ASMT: variants seen among roughly 807,000 people sequenced by gnomAD.
ASMT encodes the protein acetylserotonin O-methyltransferase, also known as acetylserotonin N-methyltransferase.
A neutral mutation model predicts 41.3 loss-of-function variants in ASMT; 53 were observed. The observed-to-expected ratio is 1.28, with a 90% confidence interval of 1.03 to 1.61. ASMT has a LOEUF of 1.61. Ranked by LOEUF, ASMT falls within the 40% of genes most tolerant of loss-of-function variation. The pLI is 0.00. For missense variants in ASMT, 531 were observed against 441.3 expected (o/e 1.20, Z -1.82); for synonymous variants, 231 against 184.8 (o/e 1.25, Z -2.03).
At chrX:1,628,917 C>CT (rs1249306407) in intron 4 of ASMT, among the ~76,000 whole-genome samples, 2 of 133,660 alleles carry the variant, frequency 1.5e-5, no homozygotes, top group Non-Finnish European at 3.2e-5. Context: ...TCCTTTCCCC[C>CT]GTTTCTCTCT....
chrX:1,636,951 GGTCC>G (rs1569384263), intron 8 of ASMT, among the ~76,000 whole-genome samples: 11 of 95,150 alleles, frequency 1.2e-4, no homozygotes, highest in Non-Finnish European at 2.0e-4. Context: ...TCTCCTGTGA[GGTCC>G]ATCCATCCTG....
At chrX:1,631,122 G>T (rs1368334751) in intron 5 of ASMT, among the ~76,000 whole-genome samples, 1 of 150,940 alleles carries the variant, frequency 6.6e-6, no homozygotes, top group African/African-American at 2.4e-5. Flanking sequence ...CTCCGTGTTA[G>T]CCAGGATGGT....
chrX:1,626,901 T>C (rs1178977934), intron 3 of ASMT, among the ~76,000 whole-genome samples: 4 of 151,232 alleles, frequency 2.6e-5, no homozygotes, highest in Non-Finnish European at 5.9e-5. Flanking sequence ...TGGTGGCGGG[T>C]GCCTGTCATC....
In ASMT at chrX:1,629,818, C is replaced by G; in HGVS notation, c.444-3C>G. Reference sequence around the variant, plus strand: ...TCTTGACAAGCGTGGTTTTGCATGCCAGGTCCGAGGGCGAGCGGCTACAGT... The same window carrying G: ...TCTTGACAAGCGTGGTTTTGCATGCGAGGTCCGAGGGCGAGCGGCTACAGT... On this transcript the variant is annotated splice_region_variant and splice_polypyrimidine_tract_variant and intron_variant, in intron 4 of 8. Transcript: ENST00000381241. 2.5e-6 allele frequency: 4 copies of G among 1,613,798 alleles called. No individual in the cohort carries two copies. In the South Asian group the frequency reaches 4.4e-5, roughly 18 times the overall value.
chrX:1,636,585 G>C, intron 8 of ASMT, 25 bp downstream of exon 8: 1 of 1,613,868 alleles, frequency 6.2e-7, no homozygotes, highest in Non-Finnish European at 8.5e-7. Context: ...TTGCATTTCA[G>C]CGTGTGCTTG....
In ASMT at chrX:1,637,049, GGC is replaced by G. The variant is rs1569384509; in HGVS notation, c.910+490_910+491del. 6.2e-3 allele frequency among the ~76,000 whole-genome samples: 658 copies of G among 106,246 alleles called. 11 individuals are homozygous for G. The highest frequency in any genetic ancestry group is 9.3e-3 in the Non-Finnish European group (477 of 51,342). The allele number at this position is 106,246 out of a possible 152,430, so 69.7% of individuals were successfully genotyped here. A position where few individuals can be genotyped will look rare whatever the true frequency, so the allele number is the denominator to read the frequency against. On this transcript the variant is annotated intron_variant, in intron 8 of 8. Transcript: ENST00000381241. ...TCCTGTGAGGTCCATCCATCCTGATGGCACATGAGGATGTGGGCACAGCCTCT... is the reference window on the plus strand; with the variant it reads ...TCCTGTGAGGTCCATCCATCCTGATGACATGAGGATGTGGGCACAGCCTCT...
chrX:1,631,477 T>C (rs192623357), intron 5 of ASMT, among the ~76,000 whole-genome samples: 1 of 152,194 alleles, frequency 6.6e-6, no homozygotes, highest in East Asian at 1.9e-4. Flanking sequence ...TGTGACTCAG[T>C]GGATCACTCA....
At chrX:1,615,331 G>T in intron 1 of ASMT, 63 bp downstream of exon 1, 3 of 1,442,552 alleles carry the variant, frequency 2.1e-6, no homozygotes, top group Non-Finnish European at 2.9e-6. Context: ...ACGTTCCATT[G>T]TTGTGTCAGT....
At chrX:1,629,718 C>G in intron 4 of ASMT, 103 bp from the exon 5 acceptor site, 1 of 1,048,342 alleles carries the variant, frequency 9.5e-7, no homozygotes, top group Admixed American at 1.7e-5. Flanking sequence ...CCAGGTGCAC[C>G]TGTGGGGTAT....
At chrX:1,636,229 T>A (rs1229647880) in intron 7 of ASMT, 6 of 701,114 alleles carry the variant, frequency 8.6e-6, no homozygotes, top group African/African-American at 1.7e-5. Flanking sequence ...AGTGCTAGGA[T>A]TACAGGCGTG....
chrX:1,615,408 C>G, intron 1 of ASMT, 140 bp downstream of exon 1: 2 of 884,600 alleles, frequency 2.3e-6, no homozygotes, highest in Non-Finnish European at 3.7e-6. Flanking sequence ...CGTACACCCA[C>G]GATGTAGCCT....
At chrX:1,616,897 A>G (rs1245489604) in intron 1 of ASMT, among the ~76,000 whole-genome samples, 1 of 151,666 alleles carries the variant, frequency 6.6e-6, no homozygotes, top group East Asian at 2.0e-4. Flanking sequence ...TTTAGTAGAG[A>G]CGGGGTTTCA....
chrX:1,629,981 T>G, intron 5 of ASMT, 42 bp downstream of exon 5: 1 of 1,470,300 alleles, frequency 6.8e-7, no homozygotes, highest in Non-Finnish European at 9.5e-7. Context: ...GTGTGGCTTC[T>G]GTTCTGTATG....
intron 8 of ASMT, 127 bp from the exon 9 acceptor site, chrX:1,642,676 G>A: frequency 1.2e-6 from 1 of 837,574 alleles, no homozygotes; most frequent in Non-Finnish European, 2.0e-6. Flanking sequence ...CACAGCCTCT[G>A]AGTGTGTGAT....
At chrX:1,628,231 G>T (rs1364133663) in intron 4 of ASMT, among the ~76,000 whole-genome samples, 1 of 152,178 alleles carries the variant, frequency 6.6e-6, no homozygotes, top group Non-Finnish European at 1.5e-5. Context: ...TGAGGCAGGA[G>T]AACTGCTTGA....
intron 8 of ASMT, among the ~76,000 whole-genome samples, chrX:1,641,891 C>G (rs1475590944): frequency 6.7e-6 from 1 of 148,490 alleles, no homozygotes; most frequent in Non-Finnish European, 1.5e-5. Context: ...CCTGTGAGGT[C>G]CACCCATCCT....
chrX:1,621,018 C>T (rs1281395415), intron 1 of ASMT, among the ~76,000 whole-genome samples: 5 of 152,000 alleles, frequency 3.3e-5, no homozygotes, highest in African/African-American at 7.2e-5. Flanking sequence ...ATCACTTGAA[C>T]GCGGGAGGCG....
At chrX:1,627,904 C>T (rs1196052005) in intron 4 of ASMT, 133 bp downstream of exon 4, 3 of 884,956 alleles carry the variant, frequency 3.4e-6, no homozygotes, top group African/African-American at 1.7e-5. Context: ...AAATAACATC[C>T]CCTATCCCCA....
intron 1 of ASMT, 82 bp downstream of exon 1, chrX:1,615,350 A>C: frequency 7.7e-7 from 1 of 1,292,190 alleles, no homozygotes; most frequent in South Asian, 1.3e-5. Flanking sequence ...GTCGAGAAAA[A>C]TGATGAGTCT....
Sources: allele counts gnomAD v4.1 joint callset (sites outside exome capture counted in the v4.1 genomes callset), GRCh38; gene constraint gnomAD v4.1.1; transcripts MANE v1.5; gene names NCBI Gene and HGNC (gene_info 2026-07-23, HGNC 2026-07-21).